CAMK2D: variants seen among roughly 807,000 people sequenced by gnomAD.
CAMK2D encodes calcium/calmodulin dependent protein kinase II delta.
In CAMK2D, 37 loss-of-function variants were observed where a neutral mutation model predicts 84.0. The ratio of observed to expected loss-of-function variants is 0.44; its 90% confidence interval spans 0.34 to 0.58. The LOEUF (loss-of-function observed/expected upper bound fraction) is 0.58. Among genes scored for constraint, CAMK2D ranks in the 20% least tolerant of loss-of-function variants. The pLI is 0.02. For synonymous variants in CAMK2D, 202 were observed against 212.5 expected (o/e 0.95, Z 0.43); for missense variants, 448 against 652.5 (o/e 0.69, Z 3.41).
At chr4:113,645,209 G>T (rs1436450286) in intron 3 of CAMK2D, among the ~76,000 whole-genome samples, 1 of 152,016 alleles carries the variant, frequency 6.6e-6, no homozygotes, top group Admixed American at 6.6e-5. Context: ...GTAGAGACAG[G>T]GTTTCACCAT....
chr4:113,564,187 G>C (rs185646709), intron 4 of CAMK2D, among the ~76,000 whole-genome samples: 2 of 152,134 alleles, frequency 1.3e-5, no homozygotes, highest in Non-Finnish European at 2.9e-5. Context: ...CTCCTCCTTG[G>C]AAAGCTAACA....
intron 17 of CAMK2D, among the ~76,000 whole-genome samples, 182 bp from the exon 18 acceptor site, chr4:113,460,423 AT>A (rs1369428957): frequency 6.6e-6 from 1 of 152,100 alleles, no homozygotes. Context: ...TTAAAAAGAC[AT>A]TTTGCAGAGA....
chr4:113,761,399 C>G lies in CAMK2D; in HGVS notation c.-331G>C. ...GGGTAAAGTACTCAAGAAGAGGGGGCCGGGAAATGGAAAAACAGCCAGGCA... is the reference window on the plus strand; with the variant it reads ...GGGTAAAGTACTCAAGAAGAGGGGGGCGGGAAATGGAAAAACAGCCAGGCA... On this transcript the variant is annotated 5_prime_UTR_variant, in exon 1 of 21. Transcript: ENST00000511664. 8.0e-7 allele frequency: 1 copy of G among 1,243,044 alleles called. No homozygotes were observed. Among genetic ancestry groups the G allele is most frequent in the Non-Finnish European group, 1.0e-6 (1 of 981,926 alleles). 77.0% of individuals were successfully genotyped at this position (1,243,044 alleles called of 1,614,324 possible).
intron 2 of CAMK2D, among the ~76,000 whole-genome samples, chr4:113,710,455 C>T (rs538038664): frequency 6.2e-4 from 95 of 152,256 alleles, no homozygotes; most frequent in African/African-American, 2.1e-3. Context: ...CAATAAACTA[C>T]CTTGCTCTTT....
At position 113,453,221 on chromosome 4, in the gene CAMK2D, A is replaced by G. The variant is rs954769887; in HGVS notation, c.*1324T>C. On this transcript the variant is annotated 3_prime_UTR_variant, in exon 21 of 21. Transcript: ENST00000511664. The stretch of plus-strand genomic sequence containing the variant: ...GAAGACAATGATACTCTGATTCAAG[A>G]GAGAAGCTAAAAAAGCACAAGTCAC... The G allele has an allele frequency of 4.6e-5, 7 of 152,200 alleles. No individual in the cohort carries two copies. Among genetic ancestry groups the G allele is most frequent in the Non-Finnish European group, 8.8e-5 (6 of 68,038 alleles). 9.4% of individuals were successfully genotyped at this position (152,200 alleles called of 1,614,324 possible). A position where few individuals can be genotyped will look rare whatever the true frequency, so the allele number is the denominator to read the frequency against.
chr4:113,621,365 C>T (rs1247728304), intron 3 of CAMK2D, among the ~76,000 whole-genome samples: 1 of 152,096 alleles, frequency 6.6e-6, no homozygotes. Flanking sequence ...TCAATAAAAA[C>T]ACCCATATGA....
chr4:113,481,548 C>T (rs937574003), intron 16 of CAMK2D, among the ~76,000 whole-genome samples: 3 of 152,148 alleles, frequency 2.0e-5, no homozygotes, highest in Admixed American at 1.3e-4. Context: ...GGTGCCATCT[C>T]AGTTCACTGC....
intron 13 of CAMK2D, among the ~76,000 whole-genome samples, chr4:113,507,603 A>ACTT (rs113109259): frequency 0.043 from 6,526 of 151,786 alleles, 430 homozygotes; most frequent in African/African-American, 0.15. Flanking sequence ...AAACTCTGGC[A>ACTT]CTTTTGTGTG....
chr4:113,586,398 C>T (rs1396802415), intron 4 of CAMK2D, among the ~76,000 whole-genome samples: 1 of 152,162 alleles, frequency 6.6e-6, no homozygotes, highest in Non-Finnish European at 1.5e-5. Flanking sequence ...ACCAGGTCAA[C>T]TCACAGATTT....
intron 16 of CAMK2D, among the ~76,000 whole-genome samples, chr4:113,496,018 G>T (rs1348563075): frequency 6.6e-6 from 1 of 152,186 alleles, no homozygotes; most frequent in African/African-American, 2.4e-5. Context: ...GAACAATGGT[G>T]CTGGATGGGT....
At chr4:113,653,100 C>T (rs1288147087) in intron 3 of CAMK2D, among the ~76,000 whole-genome samples, 2 of 151,724 alleles carry the variant, frequency 1.3e-5, no homozygotes, top group East Asian at 3.9e-4. Flanking sequence ...TAAGCATTTA[C>T]TTAAAAAGAC....
chr4:113,611,477 G>C (rs1051447521), intron 3 of CAMK2D, among the ~76,000 whole-genome samples: 1 of 152,148 alleles, frequency 6.6e-6, no homozygotes, highest in African/African-American at 2.4e-5. Flanking sequence ...ATCTGACCAG[G>C]AGGAAATCAC....
intron 4 of CAMK2D, among the ~76,000 whole-genome samples, chr4:113,554,500 A>G (rs1398421775): frequency 6.6e-6 from 1 of 152,120 alleles, no homozygotes; most frequent in East Asian, 1.9e-4. Context: ...TAGATTATGT[A>G]GTTAACTGTG....
intron 3 of CAMK2D, among the ~76,000 whole-genome samples, chr4:113,653,178 GA>G (rs564259652): frequency 4.0e-5 from 6 of 151,604 alleles, no homozygotes; most frequent in East Asian, 3.8e-4. Flanking sequence ...ATAAACAAAG[GA>G]AAAAAAGCTA....
intron 2 of CAMK2D, among the ~76,000 whole-genome samples, chr4:113,700,707 A>T (rs575169445): frequency 2.6e-5 from 4 of 152,122 alleles, no homozygotes; most frequent in Admixed American, 6.5e-5. Context: ...GCTGTGGGCA[A>T]CTCTGTTTTC....
At chr4:113,729,087 T>C (rs1332785920) in intron 2 of CAMK2D, among the ~76,000 whole-genome samples, 1 of 152,178 alleles carries the variant, frequency 6.6e-6, no homozygotes. Context: ...GGATTGCATT[T>C]GCAGCCACAA....
At chr4:113,517,720 C>A in intron 8 of CAMK2D, 63 bp from the exon 9 acceptor site, 5 of 776,180 alleles carry the variant, frequency 6.4e-6, no homozygotes, top group South Asian at 4.5e-5. Flanking sequence ...TTAAATGTGG[C>A]TGATCCACAA....
At chr4:113,488,670 C>T (rs147868463) in intron 16 of CAMK2D, among the ~76,000 whole-genome samples, 24 of 152,250 alleles carry the variant, frequency 1.6e-4, no homozygotes, top group African/African-American at 4.8e-4. Context: ...AACAATGCTA[C>T]ATTATTTTTG....
intron 4 of CAMK2D, among the ~76,000 whole-genome samples, chr4:113,602,582 T>C (rs922172625): frequency 3.3e-5 from 5 of 152,208 alleles, no homozygotes; most frequent in Admixed American, 3.3e-4. Flanking sequence ...AACCAGCCAT[T>C]ATCTGCCATT....
Sources: allele counts gnomAD v4.1 joint callset (sites outside exome capture counted in the v4.1 genomes callset), GRCh38; gene constraint gnomAD v4.1.1; transcripts MANE v1.5; gene names NCBI Gene and HGNC (gene_info 2026-07-23, HGNC 2026-07-21).